Variants in PARM1 observed in about 807,000 individuals in gnomAD.
PARM1 encodes prostate androgen-regulated mucin-like protein 1.
PARM1 carries 14 observed loss-of-function variants against 24.6 expected under a neutral mutation model. That is an observed-to-expected ratio of 0.57 (90% CI 0.38 to 0.89). PARM1 has a LOEUF of 0.89. PARM1 is among the 40% of genes least tolerant of loss of function. PARM1 has a pLI of 0.00. For synonymous variants in PARM1, 179 were observed against 156.6 expected, an observed-to-expected ratio of 1.14 and a Z score of -1.07; for missense variants, 362 against 380.4, an observed-to-expected ratio of 0.95 and a Z score of 0.40.
At chr4:75,046,057 C>T in intron 3 of PARM1, 106 bp from the exon 4 acceptor site, 1 of 703,108 alleles carries the variant, frequency 1.4e-6, no homozygotes, top group Non-Finnish European at 2.5e-6. Flanking sequence ...ACAACTTTCC[C>T]TCTCCCTGGC....
chr4:75,015,344 C>T (rs979455224), intron 2 of PARM1, among the ~76,000 whole-genome samples: 3 of 152,144 alleles, frequency 2.0e-5, no homozygotes, highest in African/African-American at 7.2e-5. Flanking sequence ...GCTCATAAAC[C>T]TTGAAGTTCA....
chr4:74,949,192 C>T (rs541814926), intron 1 of PARM1, among the ~76,000 whole-genome samples: 41 of 152,194 alleles, frequency 2.7e-4, no homozygotes, highest in Admixed American at 5.9e-4. Flanking sequence ...AGTTAGTTAT[C>T]CAGTACTAGC....
At chr4:75,026,172 A>G (rs1399033275) in intron 2 of PARM1, among the ~76,000 whole-genome samples, 4 of 152,242 alleles carry the variant, frequency 2.6e-5, no homozygotes, top group African/African-American at 7.2e-5. Flanking sequence ...CAACATAACT[A>G]CTAATAAAGT....
chr4:75,042,742 G>A (rs1330525360), intron 3 of PARM1, among the ~76,000 whole-genome samples: 1 of 151,928 alleles, frequency 6.6e-6, no homozygotes. Flanking sequence ...AAATGTGTTT[G>A]TCTTACTCTT....
At chr4:74,949,836 T>C (rs921938710) in intron 1 of PARM1, among the ~76,000 whole-genome samples, 1 of 124,894 alleles carries the variant, frequency 8.0e-6, no homozygotes, top group African/African-American at 4.0e-5. Flanking sequence ...CCTCTTACTC[T>C]TTTTTTTTTT....
At chr4:75,014,895 C>A (rs891816038) in intron 2 of PARM1, among the ~76,000 whole-genome samples, 6 of 152,168 alleles carry the variant, frequency 3.9e-5, no homozygotes, top group African/African-American at 1.4e-4. Flanking sequence ...AGGTTCCCAG[C>A]ATGAAGGTAA....
At chr4:75,034,801 A>C (rs1578059173) in intron 3 of PARM1, 1 of 152,550 alleles carries the variant, frequency 6.6e-6, no homozygotes, top group South Asian at 2.1e-4. Flanking sequence ...TTCTCCTCCC[A>C]GGAGCCAGAA....
Position 75,012,678 on chromosome 4 carries a change from C to G in PARM1, c.297C>G (p.Gly99=), listed in dbSNP as rs532201947. 9.7e-5 allele frequency: 157 copies of G among 1,614,002 alleles called. No homozygotes were observed. In the South Asian group the frequency reaches 1.6e-3, roughly 16 times the overall value. The change falls in exon 2 of 4, where the codon GGC becomes GGG. Residue 99 remains glycine, a synonymous_variant. Transcript: ENST00000307428. The part of the protein sequence containing the change: ...EITSPGSNWE[G]TNTDPSPSGF... ...CCAGCCCAGGTTCGAATTGGGAAGG[C>G]ACAAACACAGACCCCTCACCTTCTG... is the stretch of plus-strand genomic sequence containing the variant.
intron 1 of PARM1, among the ~76,000 whole-genome samples, chr4:74,937,351 G>A (rs892637006): frequency 1.3e-5 from 2 of 152,174 alleles, no homozygotes; most frequent in African/African-American, 4.8e-5. Context: ...AGTCAAAGAT[G>A]TGACATTTCC....
chr4:74,972,491 CTTTACCTT>C (rs1242608800), intron 1 of PARM1, among the ~76,000 whole-genome samples: 2 of 152,134 alleles, frequency 1.3e-5, no homozygotes, highest in South Asian at 2.1e-4. Context: ...TTTCTGAAAT[CTTTACCTT>C]TTTAAACATC....
intron 1 of PARM1, among the ~76,000 whole-genome samples, chr4:75,005,575 G>A (rs1722756012): frequency 6.6e-6 from 1 of 152,144 alleles, no homozygotes; most frequent in Non-Finnish European, 1.5e-5. Flanking sequence ...GAACTCACCT[G>A]CATGTCCCAA....
At chr4:74,953,589 A>G (rs1230895887) in intron 1 of PARM1, among the ~76,000 whole-genome samples, 1 of 152,222 alleles carries the variant, frequency 6.6e-6, no homozygotes, top group African/African-American at 2.4e-5. Context: ...TTCTAAAACA[A>G]TTAAGATTAA....
At chr4:75,018,912 TTAG>T (rs1723037550) in intron 2 of PARM1, among the ~76,000 whole-genome samples, 1 of 152,140 alleles carries the variant, frequency 6.6e-6, no homozygotes, top group South Asian at 2.1e-4. Flanking sequence ...CCTACCCGAA[TTAG>T]TAGAGACACA....
Position 75,008,242 on chromosome 4 carries a change from AGAAATTGCCT to A in PARM1, c.44-4179_44-4170del, listed in dbSNP as rs1006585892. On this transcript the variant is annotated intron_variant, in intron 1 of 3. Coordinates refer to ENST00000307428, the MANE Select transcript of PARM1 (RefSeq NM_015393.4). ...CATGCATTGTTAGTTTGATAGGAAC[AGAAATTGCCT>A]GAACTTGGCTGTAAAGTTCTTTAAA... Among the ~76,000 whole-genome samples the A allele has an allele frequency of 3.3e-4, 51 of 152,260 alleles. 1 individual carries two copies. The highest frequency in any genetic ancestry group is 2.9e-5 in the Non-Finnish European group (2 of 68,040).
At chr4:74,983,531 C>G (rs1722298633) in intron 1 of PARM1, among the ~76,000 whole-genome samples, 1 of 152,178 alleles carries the variant, frequency 6.6e-6, no homozygotes, top group South Asian at 2.1e-4. Context: ...GCTGGCTATT[C>G]TGGTCACCAT....
chr4:75,049,501 T>C lies in PARM1; in HGVS notation c.*3254T>C, dbSNP rs941771194. On this transcript the variant is annotated 3_prime_UTR_variant, in exon 4 of 4. Coordinates refer to ENST00000307428, the MANE Select transcript of PARM1 (RefSeq NM_015393.4). ...GCTATCTAAGCTCTGGACTACCCCTTTGTGCAGCTGAATCACTGCAGGGTT... is the reference window on the plus strand; with the variant it reads ...GCTATCTAAGCTCTGGACTACCCCTCTGTGCAGCTGAATCACTGCAGGGTT... The C allele has an allele frequency of 7.9e-5, 12 of 152,330 alleles. No homozygotes were observed. The South Asian group carries it at 2.5e-3, about 32-fold the overall frequency. 9.4% of individuals were successfully genotyped at this position (152,330 alleles called of 1,614,324 possible).
rs186363627 is a variant in PARM1, at chr4:75,003,418, G to A, written c.44-9007G>A. On this transcript the variant is annotated intron_variant, in intron 1 of 3. Coordinates refer to ENST00000307428, the MANE Select transcript of PARM1 (RefSeq NM_015393.4). ...TCATTAGAATTCACAGCACCGTGGGGAGCCTGCTGATATGATTAGAACTGA... is the reference window on the plus strand; with the variant it reads ...TCATTAGAATTCACAGCACCGTGGGAAGCCTGCTGATATGATTAGAACTGA... 3.3e-3 allele frequency among the ~76,000 whole-genome samples: 508 copies of A among 152,244 alleles called. 6 individuals carry two copies. Among genetic ancestry groups the A allele is most frequent in the African/African-American group, 0.011 (473 of 41,550 alleles).
chr4:74,933,820 C>T (rs1190674604), intron 1 of PARM1, among the ~76,000 whole-genome samples: 1 of 152,098 alleles, frequency 6.6e-6, no homozygotes, highest in Non-Finnish European at 1.5e-5. Context: ...GCTTCAGCAG[C>T]GGCTGCGCGC....
intron 1 of PARM1, among the ~76,000 whole-genome samples, chr4:75,001,734 G>A (rs556107154): frequency 6.6e-6 from 1 of 152,316 alleles, no homozygotes; most frequent in African/African-American, 2.4e-5. Context: ...GCAGAGAGAA[G>A]AGAAAGAGGC....
Sources: allele counts gnomAD v4.1 joint callset (sites outside exome capture counted in the v4.1 genomes callset), GRCh38; gene constraint gnomAD v4.1.1; transcripts MANE v1.5; gene names NCBI Gene and HGNC (gene_info 2026-07-23, HGNC 2026-07-21).